Variants in GLIS3 observed in about 807,000 individuals in gnomAD.
GLIS3 encodes the protein zinc finger protein GLIS3.
In GLIS3, 53 loss-of-function variants were observed where a neutral mutation model predicts 78.6. The ratio of observed to expected loss-of-function variants is 0.67; its 90% CI spans 0.54 to 0.85. GLIS3 has a LOEUF of 0.85. Ranked by LOEUF, GLIS3 falls within the 40% of genes least tolerant of loss-of-function variation. The pLI is 0.00. For missense variants in GLIS3, 1,703 were observed against 1,231.1 expected (o/e 1.38, Z -5.74); for synonymous variants, 684 against 509.9 (o/e 1.34, Z -4.60).
intron 2 of GLIS3, among the ~76,000 whole-genome samples, chr9:4,268,963 C>T (rs1826256347): frequency 6.6e-6 from 1 of 152,228 alleles, no homozygotes; most frequent in South Asian, 2.1e-4. Context: ...AATACTTCAA[C>T]AGCTGTTTAA....
chr9:3,842,136 T>A (rs1818758113), intron 9 of GLIS3, among the ~76,000 whole-genome samples: 1 of 152,172 alleles, frequency 6.6e-6, no homozygotes, highest in Admixed American at 6.5e-5. Context: ...CCCTTCAGCC[T>A]CCCCTGAAAT....
chr9:3,932,290 G>A, intron 6 of GLIS3, 70 bp downstream of exon 6: 2 of 1,214,376 alleles, frequency 1.6e-6, no homozygotes, highest in Non-Finnish European at 2.4e-6. Context: ...GTGCCCTGCA[G>A]AAGCTTCGTG....
At chr9:3,885,191 G>T (rs981442690) in intron 7 of GLIS3, among the ~76,000 whole-genome samples, 1 of 152,202 alleles carries the variant, frequency 6.6e-6, no homozygotes, top group African/African-American at 2.4e-5. Flanking sequence ...CTTGCTAGAG[G>T]CATATTGATC....
At chr9:4,097,884 A>G (rs890300186) in intron 4 of GLIS3, among the ~76,000 whole-genome samples, 3 of 152,100 alleles carry the variant, frequency 2.0e-5, no homozygotes, top group Non-Finnish European at 2.9e-5. Flanking sequence ...CAAAACAAAA[A>G]AGTCTGAATT....
At chr9:4,257,079 A>C (rs1165788397) in intron 2 of GLIS3, among the ~76,000 whole-genome samples, 3 of 152,214 alleles carry the variant, frequency 2.0e-5, no homozygotes, top group African/African-American at 7.2e-5. Context: ...GTATGTGTAC[A>C]TATGTATGCA....
At chr9:4,042,589 C>T (rs2130378078) in intron 4 of GLIS3, among the ~76,000 whole-genome samples, 1 of 152,296 alleles carries the variant, frequency 6.6e-6, no homozygotes, top group African/African-American at 2.4e-5. Context: ...GATTTCCACA[C>T]TGATTCTGAG....
At chr9:4,442,400 G>A in the GLIS3 span, among the ~76,000 whole-genome samples, 1 of 151,696 alleles carries the variant, frequency 6.6e-6, no homozygotes, top group East Asian at 1.9e-4. Context: ...AAGTTCTCTG[G>A]CTTCTCTTCC....
Position 3,829,391 on chromosome 9 carries a change from C to T in GLIS3, c.2575G>A (p.Asp859Asn). 1.9e-6 allele frequency: 3 copies of T among 1,614,124 alleles called. No homozygotes were observed. Among genetic ancestry groups the T allele is most frequent in the Non-Finnish European group, 2.5e-6 (3 of 1,179,998 alleles). ...CCCATGGATGTAGGGACTAGGCAGTCCTCAAACGAAGGCACCACACTGCAG... is the reference window on the plus strand; with the variant it reads ...CCCATGGATGTAGGGACTAGGCAGTTCTCAAACGAAGGCACCACACTGCAG... ...SSCSVVPSFE[D>N]CLVPTSMGQA... is the part of the protein sequence containing the mutation. The change falls in exon 10 of 11, where the codon GAC (aspartate) becomes AAC (asparagine). Residue 859 changes from aspartate (D) to asparagine (N), a missense_variant. Physicochemically the swap from Asp to Asn is conservative, Grantham distance 23 (BLOSUM62 1). Transcript: ENST00000381971.
chr9:4,400,384 T>C, the GLIS3 span, among the ~76,000 whole-genome samples: 8 of 150,882 alleles, frequency 5.3e-5, no homozygotes, highest in African/African-American at 2.0e-4. Flanking sequence ...AAATAAGTAA[T>C]TCAAAATCAA....
chr9:4,347,131 G>C (rs1287531513), exon 2 of GLIS3: 2 of 152,430 alleles, frequency 1.3e-5, no homozygotes, highest in Non-Finnish European at 2.9e-5. Flanking sequence ...CTTGGCTTCA[G>C]GTGAGGGCCT....
chr9:4,071,789 G>A (rs1227008046), intron 4 of GLIS3: 2 of 152,096 alleles, frequency 1.3e-5, no homozygotes, highest in Non-Finnish European at 2.9e-5. Context: ...TTCTTTGGGA[G>A]AAAAATTATT....
At chr9:4,269,109 A>G (rs994003096) in intron 2 of GLIS3, among the ~76,000 whole-genome samples, 1 of 152,224 alleles carries the variant, frequency 6.6e-6, no homozygotes, top group African/African-American at 2.4e-5. Context: ...ACTCCTTATC[A>G]TTAAAATTGA....
intron 4 of GLIS3, among the ~76,000 whole-genome samples, chr9:4,040,693 G>C (rs1242314526): frequency 6.6e-6 from 1 of 152,322 alleles, no homozygotes; most frequent in African/African-American, 2.4e-5. Context: ...AGTGGATAGT[G>C]AGTTATAAAA....
At chr9:4,306,742 A>G (rs1817237095) in intron 4 of GLIS3, among the ~76,000 whole-genome samples, 1 of 152,178 alleles carries the variant, frequency 6.6e-6, no homozygotes, top group African/African-American at 2.4e-5. Flanking sequence ...TACCTTGGAA[A>G]GTTTCAGTCA....
intron 2 of GLIS3, among the ~76,000 whole-genome samples, chr9:4,170,210 A>G (rs1464932597): frequency 6.6e-6 from 1 of 152,228 alleles, no homozygotes; most frequent in Admixed American, 6.5e-5. Flanking sequence ...TACGAGTTTC[A>G]AATGGGCTCT....
chr9:4,211,003 C>A (rs2131298661), intron 2 of GLIS3, among the ~76,000 whole-genome samples: 1 of 152,346 alleles, frequency 6.6e-6, no homozygotes, highest in East Asian at 1.9e-4. Context: ...GTACCACACT[C>A]TTCTCCACTT....
At chr9:4,307,053 C>T (rs1817243057) in intron 4 of GLIS3, among the ~76,000 whole-genome samples, 1 of 152,216 alleles carries the variant, frequency 6.6e-6, no homozygotes, top group South Asian at 2.1e-4. Flanking sequence ...CTGTTTAAGA[C>T]ACAGTTTAGT....
chr9:4,281,546 G>C lies in GLIS3; in HGVS notation c.388+4492C>G, dbSNP rs530299852. Among the ~76,000 whole-genome samples the C allele has an allele frequency of 2.0e-5, 3 of 152,290 alleles. No homozygotes were observed. The East Asian group carries it at 5.8e-4, about 29-fold the overall frequency. The stretch of plus-strand genomic sequence containing the variant: ...GGAATCATACAATACGTGTCCTTTT[G>C]TGACTGGTGCATTTCATTTAGCATA... On this transcript the variant is annotated intron_variant, in intron 2 of 10. Transcript: ENST00000381971.
chr9:4,237,589 G>C (rs1319884812), intron 2 of GLIS3, among the ~76,000 whole-genome samples: 1 of 152,090 alleles, frequency 6.6e-6, no homozygotes, highest in East Asian at 1.9e-4. Flanking sequence ...TTTCAGTGTA[G>C]CACTTTCATT....
Sources: allele counts gnomAD v4.1 joint callset (sites outside exome capture counted in the v4.1 genomes callset), GRCh38; gene constraint gnomAD v4.1.1; transcripts MANE v1.5; gene names NCBI Gene and HGNC (gene_info 2026-07-23, HGNC 2026-07-21).